Variants in NOS1AP observed in about 807,000 individuals in gnomAD.
NOS1AP encodes nitric oxide synthase 1 adaptor protein, also known as carboxyl-terminal PDZ ligand of neuronal nitric oxide synthase protein.
NOS1AP carries 21 observed loss-of-function variants against 56.2 expected under a neutral mutation model. That is an observed-to-expected ratio of 0.37 (90% CI 0.26 to 0.54). The LOEUF is 0.54. Ranked by LOEUF, NOS1AP falls within the 20% of genes least tolerant of loss-of-function variation. The pLI is 0.84. For synonymous variants in NOS1AP, 270 were observed against 274.6 expected (o/e 0.98, Z 0.17); for missense variants, 522 against 657.8 (o/e 0.79, Z 2.26).
chr1:162,191,342 C>T (rs1463134983), intron 2 of NOS1AP, among the ~76,000 whole-genome samples: 2 of 152,180 alleles, frequency 1.3e-5, no homozygotes, highest in Non-Finnish European at 2.9e-5. Context: ...TCCTAGCTTG[C>T]TTCTGACTGT....
intron 2 of NOS1AP, among the ~76,000 whole-genome samples, chr1:162,231,259 T>C (rs1653115837): frequency 6.6e-6 from 1 of 152,192 alleles, no homozygotes; most frequent in Non-Finnish European, 1.5e-5. Flanking sequence ...GCTTTTCATA[T>C]GCCTCCTGGC....
chr1:162,360,019 C>T (rs1489527786), intron 8 of NOS1AP, among the ~76,000 whole-genome samples: 1 of 142,280 alleles, frequency 7.0e-6, no homozygotes, highest in African/African-American at 2.6e-5. Context: ...CCCCCCCCCA[C>T]CACCCCCATT....
intron 1 of NOS1AP, among the ~76,000 whole-genome samples, chr1:162,103,513 T>C (rs548640296): frequency 6.6e-6 from 1 of 152,280 alleles, no homozygotes; most frequent in East Asian, 1.9e-4. Flanking sequence ...CAATGGTCTG[T>C]CTAATATTGA....
intron 2 of NOS1AP, among the ~76,000 whole-genome samples, chr1:162,221,706 T>C: frequency 6.6e-6 from 1 of 152,184 alleles, no homozygotes; most frequent in East Asian, 1.9e-4. Context: ...AAATAACTTA[T>C]AGGACTGTTA....
At chr1:162,077,566 C>G (rs1691795281) in intron 1 of NOS1AP, among the ~76,000 whole-genome samples, 1 of 151,992 alleles carries the variant, frequency 6.6e-6, no homozygotes, top group Non-Finnish European at 1.5e-5. Context: ...TGGTATTGTC[C>G]TTTGAAACAC....
Position 162,332,989 on chromosome 1 carries a change from G to T in NOS1AP, c.345-28G>T, listed in dbSNP as rs2101795663. ...AGATTTGAACCTAAGGCCATTTTCA[G>T]TGCATTTTTCTGTTGTTCTTCCTTT... On this transcript the variant is annotated intron_variant, in intron 4 of 9. Transcript: ENST00000361897. The T allele has an allele frequency of 2.0e-6, 3 of 1,525,766 alleles. No individual in the cohort carries two copies. The East Asian group carries it at 6.7e-5, about 34-fold the overall frequency. The allele number at this position is 1,525,766 out of a possible 1,614,324, so 94.5% of individuals were successfully genotyped here. A position where few individuals can be genotyped will look rare whatever the true frequency, so the allele number is the denominator to read the frequency against.
intron 1 of NOS1AP, among the ~76,000 whole-genome samples, chr1:162,120,114 ATGTATATGATATATACACATGTATG>A (rs1558108083): frequency 1.4e-4 from 14 of 100,390 alleles, no homozygotes; most frequent in Non-Finnish European, 1.8e-4. Context: ...ACACATGTAT[ATGTATATGATATATACACATGTATG>A]TGTATATATA....
intron 1 of NOS1AP, among the ~76,000 whole-genome samples, chr1:162,082,623 T>C (rs1691919668): frequency 6.6e-6 from 1 of 152,228 alleles, no homozygotes; most frequent in Admixed American, 6.5e-5. Context: ...TTTTTAGTAA[T>C]ACCCCTTTTG....
intron 2 of NOS1AP, among the ~76,000 whole-genome samples, chr1:162,159,987 T>C (rs750984924): frequency 2.6e-5 from 4 of 152,202 alleles, no homozygotes; most frequent in Non-Finnish European, 4.4e-5. Flanking sequence ...GTGCTGTCCG[T>C]GAGGCTGGAG....
intron 2 of NOS1AP, among the ~76,000 whole-genome samples, chr1:162,167,777 T>C (rs1571088669): frequency 6.6e-6 from 1 of 152,186 alleles, no homozygotes; most frequent in Admixed American, 6.5e-5. Flanking sequence ...CCCAAGTGGG[T>C]CTTTGTTTAT....
chr1:162,357,407 A>G (rs1267215415), intron 8 of NOS1AP, among the ~76,000 whole-genome samples: 1 of 152,064 alleles, frequency 6.6e-6, no homozygotes. Context: ...AATGACTTGA[A>G]CTGACCAAGG....
intron 5 of NOS1AP, among the ~76,000 whole-genome samples, chr1:162,333,684 CTCA>C (rs1031819070): frequency 1.3e-5 from 2 of 152,200 alleles, no homozygotes; most frequent in African/African-American, 4.8e-5. Flanking sequence ...AGCCCTGCCT[CTCA>C]CTGGAACCCT....
intron 2 of NOS1AP, among the ~76,000 whole-genome samples, chr1:162,237,128 A>T (rs191382588): frequency 3.3e-5 from 5 of 152,300 alleles, no homozygotes; most frequent in Admixed American, 3.3e-4. Context: ...TTGTAGCAGG[A>T]ACTCCCAAGT....
rs199857282 is a variant in NOS1AP at position 162,367,359 on chromosome 1, C to A, written c.1413C>A (p.Asp471Glu). The A allele has an allele frequency of 1.2e-6, 2 of 1,612,322 alleles. No homozygotes were observed. The highest frequency in any genetic ancestry group is 1.7e-6 in the Non-Finnish European group (2 of 1,179,492). Reference protein sequence around the residue: ...GIASEYESNTDESEERDSWSQ... With the variant: ...GIASEYESNTEESEERDSWSQ... ...CCTCGGAGTACGAGTCCAACACGGACGAGAGCGAGGAGCGCGACTCGTGGT... is the reference window on the plus strand; with the variant it reads ...CCTCGGAGTACGAGTCCAACACGGAAGAGAGCGAGGAGCGCGACTCGTGGT... Residue 471 changes from aspartate (D) to glutamate (E), a missense_variant, in exon 10 of 10, where the codon GAC (aspartate) becomes GAA (glutamate). By Grantham distance (45) the Asp-to-Glu change is conservative. Coordinates refer to ENST00000361897, the MANE Select transcript of NOS1AP (RefSeq NM_014697.3). This position sits in a 1 kb window ranked among gnomAD's most constrained non-coding sequence, Gnocchi z 6.5.
At chr1:162,302,991 G>A (rs1198965420) in intron 4 of NOS1AP, among the ~76,000 whole-genome samples, 1 of 152,154 alleles carries the variant, frequency 6.6e-6, no homozygotes, top group Non-Finnish European at 1.5e-5. Flanking sequence ...GTCATTGCAT[G>A]TATCAGCAGT....
intron 2 of NOS1AP, among the ~76,000 whole-genome samples, chr1:162,267,138 C>T (rs1313194157): frequency 2.0e-5 from 3 of 152,086 alleles, no homozygotes; most frequent in African/African-American, 7.2e-5. Flanking sequence ...GAAAGAGAAC[C>T]ATGTATGGTA....
At chr1:162,136,360 T>A (rs10918732) in intron 1 of NOS1AP, among the ~76,000 whole-genome samples, 1 of 152,012 alleles carries the variant, frequency 6.6e-6, no homozygotes, top group African/African-American at 2.4e-5. Context: ...TCCAACTCCC[T>A]TAATCTTATC....
At chr1:162,275,368 G>A (rs1265899266) in intron 2 of NOS1AP, among the ~76,000 whole-genome samples, 2 of 152,088 alleles carry the variant, frequency 1.3e-5, no homozygotes, top group African/African-American at 4.8e-5. Context: ...AATAGAGATG[G>A]GGTTTCACCA....
At chr1:162,294,005 C>G (rs1454351841) in intron 3 of NOS1AP, among the ~76,000 whole-genome samples, 1 of 152,186 alleles carries the variant, frequency 6.6e-6, no homozygotes, top group Non-Finnish European at 1.5e-5. Flanking sequence ...TTCTCACCTT[C>G]TCACTTTCTG....
Sources: gnomAD v4.1 joint callset for allele counts (sites outside exome capture counted in the v4.1 genomes callset) on GRCh38, gnomAD v4.1.1 for gene constraint, Gnocchi (gnomAD v3.1) non-coding constraint, MANE v1.5 for transcripts, NCBI Gene and HGNC (gene_info 2026-07-23, HGNC 2026-07-21) for gene names.